Variants in GRID2 observed in about 807,000 individuals in gnomAD.
GRID2 encodes the protein glutamate receptor ionotropic, delta-2.
In GRID2, 33 loss-of-function variants were observed where a neutral mutation model predicts 114.8. The ratio of observed to expected loss-of-function variants is 0.29; its 90% CI spans 0.22 to 0.38. The LOEUF (loss-of-function observed/expected upper bound fraction) is 0.38, where lower values mean the gene tolerates loss of function less well. Among genes scored for constraint, GRID2 ranks in the 10% least tolerant of loss-of-function variants. The pLI is 1.00. For missense variants in GRID2, 1,184 were observed against 1,257.7 expected (o/e 0.94, Z 0.89); for synonymous variants, 505 against 449.9 (o/e 1.12, Z -1.55).
Position 93,519,093 on chromosome 4 carries a change from A to G in GRID2, c.2193+3682A>G, listed in dbSNP as rs184343316. 3.3e-5 allele frequency among the ~76,000 whole-genome samples: 5 copies of G among 152,264 alleles called. No individual in the cohort carries two copies. In the East Asian group the frequency reaches 9.7e-4, roughly 29 times the overall value. ...TTCTAAACGTGAATCTCATTTTAAC[A>G]ATATCCATAGGTGGTTCATATGCAT... On this transcript the variant is annotated intron_variant, in intron 13 of 15. Transcript: ENST00000282020.
At chr4:92,940,038 T>G (rs1016973937) in intron 2 of GRID2, among the ~76,000 whole-genome samples, 2 of 147,290 alleles carry the variant, frequency 1.4e-5, no homozygotes, top group African/African-American at 2.4e-5. Context: ...AGAATTGACT[T>G]GGCGATGCAG....
At chr4:92,636,023 G>C (rs1313778271) in intron 2 of GRID2, among the ~76,000 whole-genome samples, 1 of 152,086 alleles carries the variant, frequency 6.6e-6, no homozygotes, top group Non-Finnish European at 1.5e-5. Context: ...TCATAAATTG[G>C]ACAGGCTGCC....
At chr4:93,784,440 A>G (rs1734550828) in intron 1 of GRID2, among the ~76,000 whole-genome samples, 1 of 152,170 alleles carries the variant, frequency 6.6e-6, no homozygotes, top group South Asian at 2.1e-4. Context: ...CCAAGGAGGA[A>G]GGATTTTGAC....
At chr4:93,234,966 T>C (rs1413879768) in intron 7 of GRID2, among the ~76,000 whole-genome samples, 1 of 152,118 alleles carries the variant, frequency 6.6e-6, no homozygotes, top group East Asian at 1.9e-4. Context: ...CCTCCAAAAG[T>C]ATCTCTTAAG....
At chr4:92,383,435 A>G (rs1010102985) in intron 1 of GRID2, among the ~76,000 whole-genome samples, 1 of 152,072 alleles carries the variant, frequency 6.6e-6, no homozygotes, top group Non-Finnish European at 1.5e-5. Context: ...AGTTGTTAAT[A>G]CATACCTTTC....
intron 13 of GRID2, among the ~76,000 whole-genome samples, chr4:93,566,187 C>T (rs984106143): frequency 1.8e-4 from 27 of 152,154 alleles, no homozygotes; most frequent in Admixed American, 1.5e-3. Context: ...ATACAGGATA[C>T]TACTCAACAA....
rs1431222063 is a variant in GRID2, at chr4:92,304,600, TG to T, written c.-56del. ...GTGACCTCAAACTCTTTGGACTGTT[TG>T]AAAAAAAAAAAATTGGAAGAAAATC... On this transcript the variant is annotated 5_prime_UTR_variant, in exon 1 of 16. Transcript: ENST00000282020. 2.5e-6 allele frequency: 3 copies of T among 1,200,202 alleles called. No homozygotes were observed. Among genetic ancestry groups the T allele is most frequent in the Non-Finnish European group, 2.5e-6 (2 of 804,500 alleles). The allele number at this position is 1,200,202 out of a possible 1,614,324, so 74.3% of individuals were successfully genotyped here. A position where few individuals can be genotyped will look rare whatever the true frequency, so the allele number is the denominator to read the frequency against.
chr4:93,398,006 C>T (rs961778441), intron 9 of GRID2, among the ~76,000 whole-genome samples: 1 of 151,228 alleles, frequency 6.6e-6, no homozygotes, highest in Admixed American at 6.6e-5. Flanking sequence ...GCAAGCTACT[C>T]TACTAAGTCT....
chr4:93,368,057 A>G (rs1762509893), intron 8 of GRID2, among the ~76,000 whole-genome samples: 1 of 152,168 alleles, frequency 6.6e-6, no homozygotes, highest in South Asian at 2.1e-4. Flanking sequence ...AATTCTATGA[A>G]GTATCAATGC....
At chr4:92,400,891 A>G (rs972554384) in intron 1 of GRID2, among the ~76,000 whole-genome samples, 2 of 152,156 alleles carry the variant, frequency 1.3e-5, no homozygotes, top group African/African-American at 4.8e-5. Context: ...CCACTTGTAT[A>G]TCTTTCTTGG....
intron 8 of GRID2, among the ~76,000 whole-genome samples, chr4:93,352,872 C>T (rs1760939274): frequency 6.6e-6 from 1 of 152,006 alleles, no homozygotes; most frequent in Admixed American, 6.6e-5. Flanking sequence ...ACCCTAATTT[C>T]AGTCTTGCCT....
intron 2 of GRID2, among the ~76,000 whole-genome samples, chr4:92,802,204 C>G (rs1346467319): frequency 1.3e-5 from 2 of 151,738 alleles, no homozygotes; most frequent in Non-Finnish European, 2.9e-5. Flanking sequence ...ATAAAGCCCC[C>G]GTCCCTACAT....
intron 2 of GRID2, among the ~76,000 whole-genome samples, chr4:92,863,051 G>A (rs1744638983): frequency 6.6e-6 from 1 of 152,070 alleles, no homozygotes. Flanking sequence ...AACTTTCTAA[G>A]TCTTTGAGCT....
intron 1 of GRID2, among the ~76,000 whole-genome samples, chr4:92,345,396 G>A (rs535226707): frequency 1.3e-5 from 2 of 152,278 alleles, no homozygotes; most frequent in African/African-American, 4.8e-5. Context: ...CTTTGCAATT[G>A]CAAATTGTGC....
At chr4:92,832,274 T>G (rs2149400206) in intron 2 of GRID2, among the ~76,000 whole-genome samples, 1 of 152,140 alleles carries the variant, frequency 6.6e-6, no homozygotes, top group South Asian at 2.1e-4. Context: ...ACACGATCTT[T>G]ACTAAAAATT....
intron 4 of GRID2, among the ~76,000 whole-genome samples, chr4:93,140,232 C>A (rs906024614): frequency 2.0e-5 from 3 of 150,570 alleles, no homozygotes; most frequent in Admixed American, 2.0e-4. Context: ...GACCACCGCT[C>A]ACTGCAAGCT....
At chr4:92,316,059 C>T (rs910726424) in intron 1 of GRID2, among the ~76,000 whole-genome samples, 11 of 145,678 alleles carry the variant, frequency 7.6e-5, no homozygotes, top group East Asian at 2.0e-4. Context: ...ACATTTAAAG[C>T]GAATTAAAAT....
chr4:93,003,717 A>T (rs927848858), intron 2 of GRID2, among the ~76,000 whole-genome samples: 2 of 151,920 alleles, frequency 1.3e-5, no homozygotes, highest in East Asian at 3.9e-4. Context: ...TCTTTATAGA[A>T]TGCTTATGCT....
At chr4:92,810,958 C>A (rs905234825) in intron 2 of GRID2, among the ~76,000 whole-genome samples, 2 of 151,832 alleles carry the variant, frequency 1.3e-5, no homozygotes, top group Admixed American at 1.3e-4. Flanking sequence ...AATTTTTGTA[C>A]TTTTAGTAGA....
Sources: allele counts gnomAD v4.1 joint callset (sites outside exome capture counted in the v4.1 genomes callset), GRCh38; gene constraint gnomAD v4.1.1; transcripts MANE v1.5; gene names NCBI Gene and HGNC (gene_info 2026-07-23, HGNC 2026-07-21).